Variants in HSCB observed in about 807,000 individuals in gnomAD.
HSCB encodes the protein iron-sulfur cluster co-chaperone protein HscB.
HSCB carries 23 observed loss-of-function variants against 31.3 expected under a neutral mutation model. The observed-to-expected ratio is 0.74, with a 90% CI of 0.53 to 1.04. The LOEUF (loss-of-function observed/expected upper bound fraction) is 1.04. HSCB is among the 50% of genes least tolerant of loss of function. The pLI is 0.00. For synonymous variants in HSCB, 110 were observed against 104.5 expected (o/e 1.05, Z -0.32); for missense variants, 297 against 288.1 (o/e 1.03, Z -0.22).
intron 4 of HSCB, among the ~76,000 whole-genome samples, chr22:28,747,527 C>A (rs562166388): frequency 2.6e-5 from 4 of 152,086 alleles, no homozygotes; most frequent in Non-Finnish European, 4.4e-5. Flanking sequence ...GCTTCAAACT[C>A]CTAGGTTCAA....
chr22:28,744,118 A>T, intron 2 of HSCB, 140 bp downstream of exon 2: 1 of 718,718 alleles, frequency 1.4e-6, no homozygotes, highest in East Asian at 2.6e-5. Flanking sequence ...CCAGCCTGTC[A>T]GACCCAGAGC....
chr22:28,753,794 C>G (rs899548307), intron 5 of HSCB, among the ~76,000 whole-genome samples: 2 of 148,618 alleles, frequency 1.3e-5, no homozygotes, highest in Admixed American at 1.3e-4. Context: ...GTGGAGACCA[C>G]CTCACTGCAC....
chr22:28,746,117 A>C, intron 4 of HSCB, 109 bp downstream of exon 4: 1 of 1,076,694 alleles, frequency 9.3e-7, no homozygotes, highest in Non-Finnish European at 1.3e-6. Flanking sequence ...GCAGTGGCTC[A>C]CGCCTATAAT....
chr22:28,742,172 T>G lies in HSCB; in HGVS notation c.77T>G (p.Leu26Arg). The change falls in exon 1 of 6, where the codon CTA (leucine) becomes CGA (arginine). Residue 26 changes from leucine (L) to arginine (R), a missense_variant. Leu to Arg is a moderately radical substitution (Grantham distance 102). Transcript: ENST00000216027. ...ACAGGGGTTCCCAGAAGGAGACCGC[T>G]AAGCTGCGATGCTGCGTCGCAGGCG... ...WPTGVPRRRP[L>R]SCDAASQAGS... 6.2e-7 allele frequency: 1 copy of G among 1,613,858 alleles called. No homozygotes were observed. Among genetic ancestry groups the G allele is most frequent in the Non-Finnish European group, 8.5e-7 (1 of 1,179,954 alleles).
rs187649633 is a variant in HSCB at position 28,755,416 on chromosome 22, A to C, written c.617-1662A>C. The stretch of plus-strand genomic sequence containing the variant: ...CAGAGCAAGACTCCATCTCAAAAAA[A>C]TAAAATGTTAAATAAATTAAATTGA... On this transcript the variant is annotated intron_variant, in intron 5 of 5. Transcript: ENST00000216027. Among the ~76,000 whole-genome samples, 100 of 152,176 alleles carry C rather than the reference A, an allele frequency of 6.6e-4. 1 individual carries two copies. The highest frequency in any genetic ancestry group is 3.4e-3 in the Middle Eastern group (1 of 294).
chr22:28,752,868 C>G (rs1275191989), intron 5 of HSCB, among the ~76,000 whole-genome samples: 2 of 151,574 alleles, frequency 1.3e-5, no homozygotes, highest in Non-Finnish European at 1.5e-5. Flanking sequence ...ATCACAAGGT[C>G]AGGAGTTCGA....
Position 28,757,113 on chromosome 22 carries a change from A to G in HSCB, c.652A>G (p.Met218Val), listed in dbSNP as rs747340196. 1 of 1,571,074 alleles carries G rather than the reference A, an allele frequency of 6.4e-7. No individual in the cohort carries two copies. Among genetic ancestry groups the G allele is most frequent in the Non-Finnish European group, 8.8e-7 (1 of 1,141,252 alleles). ...AGAAGCCAAGGAAATTTTGACAAAG[A>G]TGAGATACTTTTCAAATATAGAAGA... Reference protein sequence around the residue: ...FEEAKEILTKMRYFSNIEEKI... With the variant: ...FEEAKEILTKVRYFSNIEEKI... Residue 218 changes from methionine (M) to valine (V), a missense_variant, in exon 6 of 6, where the codon ATG (methionine) becomes GTG (valine). Met to Val is a conservative substitution (Grantham distance 21). Coordinates refer to ENST00000216027, the MANE Select transcript of HSCB (RefSeq NM_172002.5).
chr22:28,754,665 A>G (rs1205227843), intron 5 of HSCB, among the ~76,000 whole-genome samples: 2 of 151,952 alleles, frequency 1.3e-5, no homozygotes, highest in Non-Finnish European at 1.5e-5. Context: ...GCAAGACTCT[A>G]TCTCAAAAAA....
intron 4 of HSCB, among the ~76,000 whole-genome samples, chr22:28,747,834 G>A (rs1463352183): frequency 6.6e-6 from 1 of 152,102 alleles, no homozygotes; most frequent in Non-Finnish European, 1.5e-5. Context: ...TATGTCAACT[G>A]TACCCAAAAT....
Position 28,742,230 on chromosome 22 carries a change from C to T in HSCB, c.135C>T (p.Gly45=). 1 of 1,613,986 alleles carries T rather than the reference C, an allele frequency of 6.2e-7. No homozygotes were observed. Among genetic ancestry groups the T allele is most frequent in the South Asian group, 1.1e-5 (1 of 91,070 alleles). ...ATTATCCCCGCTGTTGGAACTGCGG[C>T]GGCCCATGGGGCCCCGGGCGGGAGG... is the stretch of plus-strand genomic sequence containing the variant. ...GSNYPRCWNC[G]GPWGPGREDR... Residue 45 remains glycine (G), a synonymous_variant, in exon 1 of 6, where the codon GGC becomes GGT. Transcript: ENST00000216027.
intron 5 of HSCB, among the ~76,000 whole-genome samples, chr22:28,751,604 G>A (rs984009451): frequency 2.0e-5 from 3 of 152,114 alleles, no homozygotes; most frequent in African/African-American, 7.2e-5. Context: ...AATTAACTGG[G>A]TGTGGTGGCA....
intron 1 of HSCB, 46 bp downstream of exon 1, chr22:28,742,377 C>A (rs1238298335): frequency 1.3e-6 from 2 of 1,599,348 alleles, no homozygotes; most frequent in Non-Finnish European, 1.7e-6. Flanking sequence ...AGAGACACGT[C>A]GAGGTCTGGC....
intron 4 of HSCB, 91 bp downstream of exon 4, chr22:28,746,099 G>T (rs1277953495): frequency 2.3e-6 from 3 of 1,313,678 alleles, no homozygotes; most frequent in Non-Finnish European, 3.1e-6. Context: ...GTATATAATG[G>T]CCCGGGTGCA....
intron 4 of HSCB, among the ~76,000 whole-genome samples, chr22:28,750,142 C>T (rs931473941): frequency 1.4e-5 from 2 of 147,910 alleles, no homozygotes; most frequent in African/African-American, 5.0e-5. Flanking sequence ...CCAGCAACTT[C>T]AGAGGCTGAG....
At chr22:28,755,508 C>T (rs920152599) in intron 5 of HSCB, among the ~76,000 whole-genome samples, 1 of 152,164 alleles carries the variant, frequency 6.6e-6, no homozygotes, top group Non-Finnish European at 1.5e-5. Flanking sequence ...CTCCCTTCCA[C>T]AGTAACCACT....
At position 28,742,319 on chromosome 22, in the gene HSCB, G is replaced by A; in HGVS notation, c.224G>A (p.Ser75Asn). 4 of 1,614,002 alleles carry A rather than the reference G, an allele frequency of 2.5e-6. No individual in the cohort carries two copies. The highest frequency in any genetic ancestry group is 3.4e-6 in the Non-Finnish European group (4 of 1,179,968). ...QAPDPTRDYF[S>N]LMDCNRSFRV... ...CCTGACCCCACTCGAGACTACTTCA[G>A]CCTTATGGACTGGTACGAGCGACGG... is the stretch of plus-strand genomic sequence containing the variant. The change falls in exon 1 of 6, where the codon AGC becomes AAC. Residue 75 changes from serine (S) to asparagine (N), a missense_variant. By Grantham distance (46) the Ser-to-Asn change is conservative. Transcript: ENST00000216027.
At chr22:28,756,249 C>CA (rs150222695) in intron 5 of HSCB, among the ~76,000 whole-genome samples, 3,284 of 99,596 alleles carry the variant, frequency 0.033, 111 homozygotes, top group African/African-American at 0.092. Flanking sequence ...CTCCATCTCA[C>CA]AAAAAAAAAA....
At chr22:28,756,928 G>A (rs1186158081) in intron 5 of HSCB, 150 bp from the exon 6 acceptor site, 3 of 671,860 alleles carry the variant, frequency 4.5e-6, no homozygotes, top group South Asian at 1.5e-5. Flanking sequence ...CAATCCAGAT[G>A]TTCTCCCTCT....
At position 28,742,428 on chromosome 22, in the gene HSCB, G is replaced by GCGTC. The variant is rs914999314; in HGVS notation, c.236+99_236+100insTCCG. 43 of 1,520,726 alleles carry GCGTC rather than the reference G, an allele frequency of 2.8e-5. No homozygotes were observed. In the Middle Eastern group the frequency reaches 7.3e-4, roughly 26 times the overall value. The allele number at this position is 1,520,726 out of a possible 1,614,324, so 94.2% of individuals were successfully genotyped here. ...ACGGATCTGGCTGGCGGAAGAGAAG[G>GCGTC]CGGGACTGATGGGGGGGCGGAGGTC... is the stretch of plus-strand genomic sequence containing the variant. On this transcript the variant is annotated intron_variant, in intron 1 of 5. Transcript: ENST00000216027.
Sources: gnomAD v4.1 joint callset for allele counts (sites outside exome capture counted in the v4.1 genomes callset) on GRCh38, gnomAD v4.1.1 for gene constraint, MANE v1.5 for transcripts, NCBI Gene and HGNC (gene_info 2026-07-23, HGNC 2026-07-21) for gene names.